ARHGAP40: variants seen among roughly 807,000 people sequenced by gnomAD.
ARHGAP40 encodes Rho GTPase activating protein 40, also known as rho GTPase-activating protein 40.
In ARHGAP40, 43 loss-of-function variants were observed where a neutral mutation model predicts 73.5. That is an observed-to-expected ratio of 0.58 (90% CI 0.46 to 0.75). ARHGAP40 has a LOEUF of 0.75. Among genes scored for constraint, ARHGAP40 ranks in the 30% least tolerant of loss-of-function variants. ARHGAP40 has a pLI of 0.00. For missense variants in ARHGAP40, 734 were observed against 861.8 expected, an observed-to-expected ratio of 0.85 and a Z score of 1.86; for synonymous variants, 300 against 352.8, an observed-to-expected ratio of 0.85 and a Z score of 1.68.
At chr20:38,613,598 T>C (rs916463536) in intron 1 of ARHGAP40, among the ~76,000 whole-genome samples, 2 of 152,108 alleles carry the variant, frequency 1.3e-5, no homozygotes, top group Non-Finnish European at 2.9e-5. Flanking sequence ...GGAGAAGGTC[T>C]CTGGGCCAGG....
intron 1 of ARHGAP40, among the ~76,000 whole-genome samples, chr20:38,612,020 G>A (rs902887531): frequency 2.0e-5 from 3 of 151,948 alleles, no homozygotes; most frequent in Non-Finnish European, 4.4e-5. Context: ...CACTGTGCCT[G>A]GTCTAAAACT....
At chr20:38,630,976 G>A (rs1406096359) in intron 5 of ARHGAP40, among the ~76,000 whole-genome samples, 1 of 152,140 alleles carries the variant, frequency 6.6e-6, no homozygotes, top group African/African-American at 2.4e-5. Context: ...TGTTCCCAAG[G>A]CTTCCAGTGC....
Position 38,638,075 on chromosome 20 carries a change from C to T in ARHGAP40, c.1041+276C>T, listed in dbSNP as rs920755842. Among the ~76,000 whole-genome samples, 18 of 151,220 alleles carry T rather than the reference C, an allele frequency of 1.2e-4. No individual in the cohort carries two copies. In the East Asian group the frequency reaches 1.9e-3, roughly 16 times the overall value. ...CTGTAATCCCAGCACTTTGGGAGGC[C>T]GAAGCGGGTGGATCATGAGGTCAGG... is the stretch of plus-strand genomic sequence containing the variant. On this transcript the variant is annotated intron_variant, in intron 7 of 14. Transcript: ENST00000373345.
Position 38,646,731 on chromosome 20 carries a change from A to C in ARHGAP40, c.1711-226A>C, listed in dbSNP as rs779866464. 3.3e-5 allele frequency among the ~76,000 whole-genome samples: 5 copies of C among 152,192 alleles called. No individual in the cohort carries two copies. The highest frequency in any genetic ancestry group is 7.3e-5 in the Non-Finnish European group (5 of 68,040). ...TCCTGCTGTGTGTACAAGTGCACCG[A>C]CACAGGCATAGAAACACAAACATAG... On this transcript the variant is annotated intron_variant, in intron 12 of 14. Coordinates refer to ENST00000373345, the Ensembl canonical transcript of ARHGAP40. The surrounding 1 kb of genome is among the most constrained non-coding windows in gnomAD (Gnocchi z 4.5).
At chr20:38,627,767 G>T (rs1186442602) in intron 3 of ARHGAP40, among the ~76,000 whole-genome samples, 1 of 151,998 alleles carries the variant, frequency 6.6e-6, no homozygotes, top group Non-Finnish European at 1.5e-5. Context: ...TCCCTATGTT[G>T]CATGTAGGTC....
At chr20:38,621,683 A>G (rs533861447) in intron 1 of ARHGAP40, among the ~76,000 whole-genome samples, 1 of 152,330 alleles carries the variant, frequency 6.6e-6, no homozygotes, top group East Asian at 1.9e-4. Context: ...TTGATATTCT[A>G]CTTTGCTCAC....
intron 1 of ARHGAP40, among the ~76,000 whole-genome samples, chr20:38,614,463 C>T (rs922678590): frequency 6.6e-6 from 1 of 152,016 alleles, no homozygotes; most frequent in Admixed American, 6.6e-5. Flanking sequence ...TTCTCTGTGA[C>T]CCATCTCTAT....
chr20:38,643,613 C>T (rs1030211637), intron 10 of ARHGAP40, 91 bp from the exon 11 acceptor site: 1 of 1,085,486 alleles, frequency 9.2e-7, no homozygotes. Flanking sequence ...CTTCCTAGCA[C>T]CCCCTTATCA....
chr20:38,637,860 C>A, intron 7 of ARHGAP40, 61 bp downstream of exon 7: 1 of 1,227,238 alleles, frequency 8.1e-7, no homozygotes. Context: ...CTCAGGGGAC[C>A]ATTGTCAGGA....
At chr20:38,636,620 T>A (rs576873907) in intron 6 of ARHGAP40, among the ~76,000 whole-genome samples, 92 of 152,290 alleles carry the variant, frequency 6.0e-4, no homozygotes, top group Non-Finnish European at 1.1e-3. Flanking sequence ...TTCTAATATA[T>A]TTAACCATTT....
intron 1 of ARHGAP40, among the ~76,000 whole-genome samples, chr20:38,604,615 C>A (rs534088713): frequency 6.6e-6 from 1 of 152,020 alleles, no homozygotes; most frequent in African/African-American, 2.4e-5. Context: ...AGGCTGGTCT[C>A]GAACTCCTGA....
intron 7 of ARHGAP40, among the ~76,000 whole-genome samples, chr20:38,638,321 C>T (rs2145610977): frequency 6.6e-6 from 1 of 152,176 alleles, no homozygotes. Context: ...TCAAAAAATA[C>T]ATAAGTAAAT....
chr20:38,602,011 G>T (rs755146248), exon 1 of ARHGAP40: 1 of 1,287,638 alleles, frequency 7.8e-7, no homozygotes, highest in East Asian at 5.6e-5. Flanking sequence ...TAGCCTCACC[G>T]TGTCCTCGGA....
chr20:38,602,406 G>GCA (rs1278444613), intron 1 of ARHGAP40, among the ~76,000 whole-genome samples: 2 of 16,272 alleles, frequency 1.2e-4, no homozygotes, highest in South Asian at 1.7e-3. Flanking sequence ...TCCTCTGGGT[G>GCA]TAGAGTCTTA....
chr20:38,625,815 G>C (rs1165242177), intron 2 of ARHGAP40, among the ~76,000 whole-genome samples: 2 of 152,336 alleles, frequency 1.3e-5, no homozygotes, highest in East Asian at 3.8e-4. Flanking sequence ...GATGTTGGAT[G>C]CTCCATTTAT....
In ARHGAP40 at chr20:38,627,122, C is replaced by T. The variant is rs1460569887; in HGVS notation, c.465C>T (p.Cys155=). The stretch of plus-strand genomic sequence containing the variant: ...CACAGACCCAGGTGGCCGCTGTGTG[C>T]CGCCGGCTGGACATCTATGCTCGCT... The change falls in exon 3 of 15, where the codon TGC becomes TGT. Residue 155 remains cysteine, a synonymous_variant. Transcript: ENST00000373345. The T allele has an allele frequency of 1.4e-5, 18 of 1,305,332 alleles. No individual in the cohort carries two copies. The South Asian group carries it at 1.9e-4, about 13-fold the overall frequency. The allele number at this position is 1,305,332 out of a possible 1,614,324, so 80.9% of individuals were successfully genotyped here.
chr20:38,615,347 T>G, intron 1 of ARHGAP40: 1 of 767,194 alleles, frequency 1.3e-6, no homozygotes, highest in Non-Finnish European at 2.4e-6. Flanking sequence ...CGGGGGTACT[T>G]CCACTGGTAA....
intron 4 of ARHGAP40, 63 bp from the exon 5 acceptor site, chr20:38,629,439 G>A (rs1238615293): frequency 1.5e-6 from 2 of 1,297,428 alleles, no homozygotes; most frequent in Non-Finnish European, 2.0e-6. Context: ...CCGAACCCAA[G>A]CACTTGCTTC....
intron 1 of ARHGAP40, among the ~76,000 whole-genome samples, chr20:38,623,045 G>A (rs527469701): frequency 2.8e-4 from 42 of 152,304 alleles, no homozygotes; most frequent in African/African-American, 8.4e-4. Flanking sequence ...GCCTGTCCTG[G>A]TGTTTAATCC....
Sources: allele counts gnomAD v4.1 joint callset (sites outside exome capture counted in the v4.1 genomes callset), GRCh38; gene constraint gnomAD v4.1.1; non-coding constraint Gnocchi (gnomAD v3.1); transcripts MANE v1.5; gene names NCBI Gene and HGNC (gene_info 2026-07-23, HGNC 2026-07-21).